The following PYHIN1 variants were observed in gnomAD, a reference collection of about 807,000 sequenced individuals.
PYHIN1 encodes the protein pyrin and HIN domain family member 1.
A neutral mutation model predicts 43.7 loss-of-function variants in PYHIN1; 32 were observed. That is an observed-to-expected ratio of 0.73 (90% CI 0.55 to 0.98). The LOEUF is 0.98. Ranked by LOEUF, PYHIN1 falls within the 50% of genes least tolerant of loss-of-function variation. PYHIN1 has a pLI of 0.00. For synonymous variants in PYHIN1, 205 were observed against 203.1 expected (o/e 1.01, Z -0.08); for missense variants, 588 against 589.5 (o/e 1.00, Z 0.03).
intron 7 of PYHIN1, among the ~76,000 whole-genome samples, chr1:158,960,706 T>C (rs1291450214): frequency 1.3e-5 from 2 of 152,336 alleles, no homozygotes; most frequent in East Asian, 3.9e-4. Context: ...TGATGTCTTA[T>C]GTTATGTTAA....
chr1:158,986,274 C>A, the PYHIN1 span, among the ~76,000 whole-genome samples: 3 of 152,060 alleles, frequency 2.0e-5, no homozygotes, highest in Non-Finnish European at 2.9e-5. Flanking sequence ...TTGGATGGGG[C>A]TCTTTTATTT....
intron 7 of PYHIN1, among the ~76,000 whole-genome samples, chr1:158,959,315 G>T (rs530953686): frequency 6.7e-6 from 1 of 149,458 alleles, no homozygotes; most frequent in African/African-American, 2.5e-5. Flanking sequence ...GGCCCTGTGG[G>T]TATTTATTTA....
intron 1 of PYHIN1, among the ~76,000 whole-genome samples, chr1:158,935,321 A>T (rs1164833368): frequency 1.3e-5 from 2 of 151,974 alleles, no homozygotes; most frequent in Non-Finnish European, 2.9e-5. Flanking sequence ...AAGAATGCAG[A>T]TTATTCAAAG....
rs1255601508 is a variant in PYHIN1 at position 158,942,099 on chromosome 1, G to A, written c.702G>A (p.Glu234=). Residue 234 remains glutamate (E), a synonymous_variant, in exon 5 of 9, where the codon GAG becomes GAA. Transcript: ENST00000368140. ...KVFKYESSEN[E]QRRMFHATVA... Reference sequence around the variant, plus strand: ...TTAAATATGAATCCTCAGAAAATGAGCAAAGAAGAATGTTTCATGCTACAG... The same window carrying A: ...TTAAATATGAATCCTCAGAAAATGAACAAAGAAGAATGTTTCATGCTACAG... 1.9e-6 allele frequency: 3 copies of A among 1,613,992 alleles called. No homozygotes were observed. Among genetic ancestry groups the A allele is most frequent in the Admixed American group, 1.7e-5 (1 of 59,984 alleles).
chr1:158,966,790 G>T (rs938005583), intron 7 of PYHIN1, among the ~76,000 whole-genome samples: 15 of 152,128 alleles, frequency 9.9e-5, no homozygotes, highest in Non-Finnish European at 2.1e-4. Flanking sequence ...CACTCCCCTT[G>T]AAAACTGGAA....
intron 6 of PYHIN1, among the ~76,000 whole-genome samples, 166 bp downstream of exon 6, chr1:158,944,144 A>T (rs1219809616): frequency 2.0e-5 from 3 of 152,202 alleles, no homozygotes; most frequent in Non-Finnish European, 4.4e-5. Flanking sequence ...TTATTAAAAT[A>T]TATTAAGAGA....
chr1:158,943,703 CTT>C, intron 5 of PYHIN1, 85 bp from the exon 6 acceptor site: 1 of 954,512 alleles, frequency 1.0e-6, no homozygotes, highest in South Asian at 1.7e-5. Context: ...TGTCTTGCAT[CTT>C]GTTTTTAATC....
intron 7 of PYHIN1, among the ~76,000 whole-genome samples, chr1:158,971,552 T>A (rs146428068): frequency 1.4e-3 from 211 of 152,128 alleles, no homozygotes; most frequent in African/African-American, 4.9e-3. Context: ...AACAGAATCC[T>A]GACTGGAACT....
the PYHIN1 span, among the ~76,000 whole-genome samples, chr1:158,987,262 G>A: frequency 5.3e-5 from 8 of 152,298 alleles, no homozygotes; most frequent in South Asian, 1.7e-3. Flanking sequence ...AGCCTAGTGG[G>A]TATAACCAAC....
intron 7 of PYHIN1, among the ~76,000 whole-genome samples, chr1:158,965,161 TA>T (rs1261133062): frequency 1.3e-5 from 2 of 151,810 alleles, no homozygotes; most frequent in African/African-American, 4.8e-5. Context: ...TTCATAATGG[TA>T]AAGGCTTTCA....
chr1:158,960,862 C>G (rs966883151), intron 7 of PYHIN1, among the ~76,000 whole-genome samples: 2 of 152,124 alleles, frequency 1.3e-5, no homozygotes, highest in African/African-American at 4.8e-5. Flanking sequence ...TTGTGATGGA[C>G]TGTTTTATTT....
chr1:158,971,721 T>G (rs1650940528), intron 7 of PYHIN1, among the ~76,000 whole-genome samples: 1 of 152,018 alleles, frequency 6.6e-6, no homozygotes, highest in Admixed American at 6.6e-5. Context: ...TTCTGAAACT[T>G]ACTACCCTTA....
At chr1:158,952,774 C>A (rs1429533517) in intron 7 of PYHIN1, among the ~76,000 whole-genome samples, 1 of 152,230 alleles carries the variant, frequency 6.6e-6, no homozygotes, top group African/African-American at 2.4e-5. Context: ...ACAGGAATAG[C>A]TCCCGTATAC....
intron 7 of PYHIN1, among the ~76,000 whole-genome samples, chr1:158,972,504 T>C (rs997158573): frequency 6.6e-6 from 1 of 152,088 alleles, no homozygotes; most frequent in African/African-American, 2.4e-5. Flanking sequence ...TATTGTGATT[T>C]ATGATCCAGA....
chr1:158,965,185 A>T lies in PYHIN1; in HGVS notation c.1360-8462A>T, dbSNP rs571223505. Among the ~76,000 whole-genome samples, 130 of 152,308 alleles carry T rather than the reference A, an allele frequency of 8.5e-4. 1 individual carries two copies. The highest frequency in any genetic ancestry group is 3.0e-3 in the African/African-American group (123 of 41,556). ...GTAAAGGCTTTCATTCAACAAGAAGACCTAACTACCTTGAATATATACACA... is the reference window on the plus strand; with the variant it reads ...GTAAAGGCTTTCATTCAACAAGAAGTCCTAACTACCTTGAATATATACACA... On this transcript the variant is annotated intron_variant, in intron 7 of 8. Transcript: ENST00000368140.
At chr1:158,946,018 A>G (rs1200175318) in intron 7 of PYHIN1, among the ~76,000 whole-genome samples, 2 of 152,240 alleles carry the variant, frequency 1.3e-5, no homozygotes, top group Non-Finnish European at 2.9e-5. Context: ...TAAAACTTGA[A>G]CAATTTATGA....
rs1399490288 is a variant in PYHIN1, at chr1:158,940,902, C to T, written c.580-1075C>T. Reference sequence around the variant, plus strand: ...AAAATATCATCATACAATGTAATGTCCTATTATGTCTCTCTGAGCAGTTAT... The same window carrying T: ...AAAATATCATCATACAATGTAATGTTCTATTATGTCTCTCTGAGCAGTTAT... On this transcript the variant is annotated intron_variant, in intron 4 of 8. Transcript: ENST00000368140. 2.0e-5 allele frequency among the ~76,000 whole-genome samples: 3 copies of T among 152,226 alleles called. No individual in the cohort carries two copies. In the East Asian group the frequency reaches 5.8e-4, roughly 29 times the overall value.
chr1:158,952,785 A>G (rs1425520615), intron 7 of PYHIN1, among the ~76,000 whole-genome samples: 1 of 152,222 alleles, frequency 6.6e-6, no homozygotes, highest in Non-Finnish European at 1.5e-5. Flanking sequence ...TCCCGTATAC[A>G]GCTCCCAGCG....
At chr1:158,956,522 A>C (rs2101694932) in intron 7 of PYHIN1, among the ~76,000 whole-genome samples, 1 of 151,136 alleles carries the variant, frequency 6.6e-6, no homozygotes, top group South Asian at 2.1e-4. Context: ...ATCTCAATAG[A>C]TGCAGAAAAA....
Sources: gnomAD v4.1 joint callset for allele counts (sites outside exome capture counted in the v4.1 genomes callset) on GRCh38, gnomAD v4.1.1 for gene constraint, MANE v1.5 for transcripts, NCBI Gene and HGNC (gene_info 2026-07-23, HGNC 2026-07-21) for gene names.